SHC4: variants seen among roughly 807,000 people sequenced by gnomAD.
The protein encoded by SHC4 is SHC adaptor protein 4.
In SHC4, 41 loss-of-function variants were observed where a neutral mutation model predicts 69.4. The observed-to-expected ratio is 0.59, with a 90% CI of 0.46 to 0.77. The LOEUF (loss-of-function observed/expected upper bound fraction) is 0.77. Among genes scored for constraint, SHC4 ranks in the 30% least tolerant of loss-of-function variants. The pLI, the probability that SHC4 is intolerant of heterozygous loss-of-function variation, is 0.00. For missense variants in SHC4, 777 were observed against 783.8 expected, an observed-to-expected ratio of 0.99 and a Z score of 0.10; for synonymous variants, 318 against 299.3, an observed-to-expected ratio of 1.06 and a Z score of -0.64.
At chr15:48,840,403 G>T (rs1898969725) in intron 10 of SHC4, among the ~76,000 whole-genome samples, 1 of 152,188 alleles carries the variant, frequency 6.6e-6, no homozygotes. Flanking sequence ...AAGATGAACT[G>T]AGGAGCCCTA....
At chr15:48,839,538 T>C (rs1898955842) in intron 10 of SHC4, among the ~76,000 whole-genome samples, 1 of 152,168 alleles carries the variant, frequency 6.6e-6, no homozygotes, top group Non-Finnish European at 1.5e-5. Context: ...GCAAATTGCT[T>C]TCTCCACTTC....
chr15:48,922,654 A>G (rs565588091), intron 2 of SHC4, among the ~76,000 whole-genome samples: 1 of 152,222 alleles, frequency 6.6e-6, no homozygotes, highest in Non-Finnish European at 1.5e-5. Context: ...ATTAAGTTTC[A>G]ATACATAAAT....
intron 2 of SHC4, among the ~76,000 whole-genome samples, chr15:48,899,165 A>T (rs1009021940): frequency 6.6e-6 from 1 of 152,260 alleles, no homozygotes; most frequent in East Asian, 1.9e-4. Context: ...TTGGAATTTT[A>T]AAGATATTTA....
chr15:48,945,380 G>A (rs1001977863), intron 1 of SHC4, among the ~76,000 whole-genome samples: 1 of 150,114 alleles, frequency 6.7e-6, no homozygotes, highest in Non-Finnish European at 1.5e-5. Context: ...GTACACCCAA[G>A]AAAGTTGAAA....
At chr15:48,891,237 C>T (rs962426240) in intron 2 of SHC4, among the ~76,000 whole-genome samples, 1 of 150,100 alleles carries the variant, frequency 6.7e-6, no homozygotes, top group Non-Finnish European at 1.5e-5. Context: ...CAATTAAATG[C>T]AAAAAGAACC....
At chr15:48,906,492 C>G (rs756482739) in intron 2 of SHC4, among the ~76,000 whole-genome samples, 10 of 152,022 alleles carry the variant, frequency 6.6e-5, no homozygotes, top group Non-Finnish European at 1.0e-4. Flanking sequence ...TCCCCCATCT[C>G]ATCCCCTTTT....
intron 3 of SHC4, among the ~76,000 whole-genome samples, chr15:48,889,732 T>G (rs2141005293): frequency 6.6e-6 from 1 of 152,254 alleles, no homozygotes; most frequent in East Asian, 1.9e-4. Flanking sequence ...TGGTCCCAGC[T>G]ACTCGGGGGG....
intron 1 of SHC4, among the ~76,000 whole-genome samples, chr15:48,943,169 A>G (rs902723063): frequency 1.3e-5 from 2 of 152,194 alleles, no homozygotes; most frequent in Admixed American, 6.5e-5. Context: ...TGTTACTAAC[A>G]ATAGTCCTCA....
chr15:48,890,983 T>C (rs918821114), intron 2 of SHC4, among the ~76,000 whole-genome samples, 172 bp from the exon 3 acceptor site: 1 of 152,236 alleles, frequency 6.6e-6, no homozygotes, highest in African/African-American at 2.4e-5. Flanking sequence ...TTACTCCTTC[T>C]GCAGGAAAAC....
intron 6 of SHC4, among the ~76,000 whole-genome samples, chr15:48,859,337 GTGT>G (rs1484929092): frequency 1.3e-5 from 2 of 151,874 alleles, no homozygotes; most frequent in African/African-American, 4.8e-5. Flanking sequence ...GTGTGTGTGT[GTGT>G]GTGATGGTGG....
intron 1 of SHC4, among the ~76,000 whole-genome samples, chr15:48,949,966 T>C (rs1019445054): frequency 2.8e-5 from 4 of 142,080 alleles, no homozygotes. Context: ...TTTTAACATA[T>C]GAAATATGAA....
At chr15:48,858,307 G>GC (rs1567054387) in intron 6 of SHC4, among the ~76,000 whole-genome samples, 1 of 151,958 alleles carries the variant, frequency 6.6e-6, no homozygotes, top group Non-Finnish European at 1.5e-5. Context: ...TTTGGAATAC[G>GC]CCCCCCGCCC....
intron 2 of SHC4, among the ~76,000 whole-genome samples, chr15:48,892,340 C>G (rs1233491169): frequency 3.3e-5 from 5 of 152,090 alleles, no homozygotes; most frequent in African/African-American, 1.2e-4. Flanking sequence ...AAGGTATTAT[C>G]TTGTCTGATT....
intron 1 of SHC4, among the ~76,000 whole-genome samples, chr15:48,931,377 G>A (rs1351706943): frequency 6.6e-6 from 1 of 152,150 alleles, no homozygotes; most frequent in Non-Finnish European, 1.5e-5. Context: ...ACCTTCAGAT[G>A]TGTATTGGCA....
chr15:48,949,067 TA>T (rs1368487369), intron 1 of SHC4, among the ~76,000 whole-genome samples: 1 of 152,044 alleles, frequency 6.6e-6, no homozygotes, highest in African/African-American at 2.4e-5. Flanking sequence ...CTAGGCCACT[TA>T]CCTCAAAACC....
intron 2 of SHC4, among the ~76,000 whole-genome samples, chr15:48,918,730 C>G (rs1595757218): frequency 6.6e-6 from 1 of 152,276 alleles, no homozygotes; most frequent in East Asian, 1.9e-4. Context: ...TATTTCCATA[C>G]AAAACGTTAT....
At chr15:48,894,469 A>G (rs1900188731) in intron 2 of SHC4, among the ~76,000 whole-genome samples, 1 of 152,196 alleles carries the variant, frequency 6.6e-6, no homozygotes, top group East Asian at 1.9e-4. Flanking sequence ...AAGGCACATC[A>G]AAGATGTCCC....
intron 4 of SHC4, 137 bp from the exon 5 acceptor site, chr15:48,872,279 C>T (rs1417555775): frequency 3.8e-6 from 2 of 529,714 alleles, no homozygotes; most frequent in Non-Finnish European, 6.7e-6. Context: ...CCAACCTACA[C>T]TCTATAATAA....
At position 48,962,315 on chromosome 15, in the gene SHC4, T is replaced by A. The variant is rs569660862; in HGVS notation, c.585+116A>T. On this transcript the variant is annotated intron_variant, in intron 1 of 11. Coordinates refer to ENST00000332408, the MANE Select transcript of SHC4 (RefSeq NM_203349.4). Reference sequence around the variant, plus strand: ...TCCCCTCCGCCTTGGTCCAGTTGAATCATGTCCTGTCCAAACACAGAACCC... The same window carrying A: ...TCCCCTCCGCCTTGGTCCAGTTGAAACATGTCCTGTCCAAACACAGAACCC... The A allele has an allele frequency of 7.5e-5, 82 of 1,093,716 alleles. No individual in the cohort carries two copies. The East Asian group carries it at 1.7e-3, about 23-fold the overall frequency. 67.8% of individuals were successfully genotyped at this position (1,093,716 alleles called of 1,614,324 possible). A position where few individuals can be genotyped will look rare whatever the true frequency, so the allele number is the denominator to read the frequency against.
Sources: allele counts gnomAD v4.1 joint callset (sites outside exome capture counted in the v4.1 genomes callset), GRCh38; gene constraint gnomAD v4.1.1; transcripts MANE v1.5; gene names NCBI Gene and HGNC (gene_info 2026-07-23, HGNC 2026-07-21).